The following TPX2 variants were observed in gnomAD, a reference collection of about 807,000 sequenced individuals.
TPX2 encodes targeting protein for Xklp2.
TPX2 carries 21 observed loss-of-function variants against 93.6 expected under a neutral mutation model. That is an observed-to-expected ratio of 0.22 (90% CI 0.16 to 0.32). The LOEUF is 0.32. Ranked by LOEUF, TPX2 falls within the 10% of genes least tolerant of loss-of-function variation. The pLI is 1.00. For synonymous variants in TPX2, 281 were observed against 298.3 expected (o/e 0.94, Z 0.60); for missense variants, 776 against 871.1 (o/e 0.89, Z 1.37).
At chr20:31,752,712 A>C (rs957189561) in intron 2 of TPX2, among the ~76,000 whole-genome samples, 6 of 151,926 alleles carry the variant, frequency 3.9e-5, no homozygotes, top group African/African-American at 1.5e-4. Context: ...TCCCGGGTTC[A>C]CACCATTCTC....
intron 9 of TPX2, 48 bp downstream of exon 9, chr20:31,777,686 G>C: frequency 6.3e-7 from 1 of 1,583,156 alleles, no homozygotes; most frequent in Non-Finnish European, 8.6e-7. Context: ...TATTCATTTA[G>C]GATTTTACGT....
At chr20:31,769,409 C>G (rs2061950101) in intron 5 of TPX2, among the ~76,000 whole-genome samples, 3 of 151,394 alleles carry the variant, frequency 2.0e-5, no homozygotes, top group African/African-American at 7.3e-5. Context: ...AGCTCCGCCT[C>G]CCGGGTTCAC....
At chr20:31,740,064 C>T (rs2061745080) in intron 1 of TPX2, among the ~76,000 whole-genome samples, 1 of 151,990 alleles carries the variant, frequency 6.6e-6, no homozygotes, top group East Asian at 1.9e-4. Context: ...GATATTATTC[C>T]CTTTCTCATT....
intron 17 of TPX2, 24 bp downstream of exon 17, chr20:31,798,576 C>G: frequency 2.5e-6 from 4 of 1,574,772 alleles, no homozygotes; most frequent in Non-Finnish European, 3.4e-6. Context: ...TGAGCACTGA[C>G]GAACACAAAC....
At chr20:31,757,711 G>A (rs1179068663) in intron 3 of TPX2, 129 bp downstream of exon 3, 1 of 666,212 alleles carries the variant, frequency 1.5e-6, no homozygotes, top group African/African-American at 1.8e-5. Context: ...AAGACATTCT[G>A]TCATCCATGA....
Position 31,739,385 on chromosome 20 carries a change from CGG to C in TPX2, c.-412_-411del, listed in dbSNP as rs1172149692. The C allele has an allele frequency of 6.6e-6, 1 of 152,256 alleles. No individual in the cohort carries two copies. The highest frequency in any genetic ancestry group is 2.4e-5 in the African/African-American group (1 of 41,464). 9.4% of individuals were successfully genotyped at this position (152,256 alleles called of 1,614,324 possible). On this transcript the variant is annotated 5_prime_UTR_variant, in exon 1 of 18. Coordinates refer to ENST00000300403, the MANE Select transcript of TPX2 (RefSeq NM_012112.5). ...AAGAAAAGAGGGAGCAGCTAGGGCG[CGG>C]GTCTCCCTCCTCCCGGAGTTTGGAA...
At chr20:31,755,114 A>T (rs947668108) in intron 2 of TPX2, among the ~76,000 whole-genome samples, 1 of 151,972 alleles carries the variant, frequency 6.6e-6, no homozygotes, top group East Asian at 1.9e-4. Context: ...GCGCCTGGCT[A>T]ATTTTTTGTA....
intron 5 of TPX2, among the ~76,000 whole-genome samples, chr20:31,768,480 T>G (rs2061943936): frequency 6.8e-6 from 1 of 148,038 alleles, no homozygotes; most frequent in African/African-American, 2.5e-5. Context: ...CTCCTGACCT[T>G]GTAATCCGCC....
chr20:31,776,093 A>T (rs2061997036), intron 8 of TPX2, 105 bp downstream of exon 8: 1 of 599,618 alleles, frequency 1.7e-6, no homozygotes, highest in African/African-American at 3.5e-5. Context: ...TTTTTTTTTG[A>T]GACGGAGTCT....
intron 12 of TPX2, among the ~76,000 whole-genome samples, chr20:31,792,324 A>G (rs986954448): frequency 1.3e-5 from 2 of 152,090 alleles, no homozygotes; most frequent in African/African-American, 4.8e-5. Context: ...GCCCCATTGC[A>G]CTCCAGCCTG....
intron 4 of TPX2, among the ~76,000 whole-genome samples, chr20:31,764,600 A>T (rs1239724254): frequency 6.6e-6 from 1 of 152,148 alleles, no homozygotes; most frequent in Non-Finnish European, 1.5e-5. Context: ...TCTATATTTA[A>T]AGTGCATTTT....
intron 4 of TPX2, among the ~76,000 whole-genome samples, chr20:31,765,530 C>CA (rs766866483): frequency 7.3e-5 from 11 of 151,686 alleles, no homozygotes; most frequent in Non-Finnish European, 1.5e-4. Flanking sequence ...AAGCTGGTCT[C>CA]AAAATCCTGG....
intron 1 of TPX2, among the ~76,000 whole-genome samples, chr20:31,742,015 G>C (rs1454263460): frequency 6.6e-6 from 1 of 152,184 alleles, no homozygotes; most frequent in Admixed American, 6.5e-5. Context: ...AAAAAGGATA[G>C]ATAACTGCGG....
intron 2 of TPX2, among the ~76,000 whole-genome samples, chr20:31,749,774 G>A (rs1245926259): frequency 2.0e-5 from 3 of 151,772 alleles, no homozygotes; most frequent in Non-Finnish European, 4.4e-5. Flanking sequence ...CAGCCTGGGC[G>A]ACAAGAGTGA....
intron 5 of TPX2, among the ~76,000 whole-genome samples, chr20:31,769,358 G>A (rs1472864209): frequency 7.2e-6 from 1 of 138,036 alleles, no homozygotes; most frequent in Non-Finnish European, 1.5e-5. Context: ...TCGCTCTGTT[G>A]CCTAGGCTGG....
Position 31,770,386 on chromosome 20 carries a change from G to C in TPX2, c.400G>C (p.Glu134Gln). The change falls in exon 6 of 18, where the codon GAA (glutamate) becomes CAA (glutamine). Residue 134 changes from glutamate (E) to glutamine (Q), a missense_variant. Glu to Gln is a conservative substitution (Grantham distance 29, BLOSUM62 2). Coordinates refer to ENST00000300403, the MANE Select transcript of TPX2 (RefSeq NM_012112.5). ...LSAQKDLEQKEKHHVKMKAKR... is the reference protein window; with the variant it reads ...LSAQKDLEQKQKHHVKMKAKR... ...TGCTCAGAAGGATTTGGAACAGAAA[G>C]AAAAGCATCATGTAAAAATGAAAGC... 1.2e-6 allele frequency: 2 copies of C among 1,606,288 alleles called. No homozygotes were observed. Among genetic ancestry groups the C allele is most frequent in the East Asian group, 4.5e-5 (2 of 44,462 alleles).
intron 5 of TPX2, among the ~76,000 whole-genome samples, 170 bp downstream of exon 5, chr20:31,766,852 GTGAAGTGGCA>G (rs1424447400): frequency 1.8e-4 from 26 of 143,600 alleles, no homozygotes; most frequent in Admixed American, 3.6e-4. Flanking sequence ...CCAGGCTGGA[GTGAAGTGGCA>G]TGATCTTGGC....
chr20:31,770,390 A>G lies in TPX2; in HGVS notation c.404A>G (p.Lys135Arg). 1 of 1,606,648 alleles carries G rather than the reference A, an allele frequency of 6.2e-7. No individual in the cohort carries two copies. The highest frequency in any genetic ancestry group is 8.5e-7 in the Non-Finnish European group (1 of 1,176,008). ...SAQKDLEQKE[K>R]HHVKMKAKRC... ...CAGAAGGATTTGGAACAGAAAGAAA[A>G]GCATCATGTAAAAATGAAAGCCAAG... Residue 135 changes from lysine (K) to arginine (R), a missense_variant, in exon 6 of 18, where the codon AAG (lysine) becomes AGG (arginine). Lys to Arg is a conservative substitution (Grantham distance 26). This residue lies in a region of TPX2 where 279 missense variants were observed against 261.6 expected (regional missense o/e 1.07). Transcript: ENST00000300403.
In TPX2 at chr20:31,771,795, A is replaced by G. The variant is rs2061965937; in HGVS notation, c.608+113A>G. On this transcript the variant is annotated intron_variant, in intron 7 of 17. Coordinates refer to ENST00000300403, the MANE Select transcript of TPX2 (RefSeq NM_012112.5). ...TTGGCAAACTCCTGAAGCTTTGACC[A>G]TGGTGAGGTGAATTGTTACATGTGT... 23 of 1,252,706 alleles carry G rather than the reference A, an allele frequency of 1.8e-5. No homozygotes were observed. In the Middle Eastern group the frequency reaches 1.1e-3, roughly 58 times the overall value. The allele number at this position is 1,252,706 out of a possible 1,614,324, so 77.6% of individuals were successfully genotyped here. A position where few individuals can be genotyped will look rare whatever the true frequency, so the allele number is the denominator to read the frequency against.
Sources: allele counts gnomAD v4.1 joint callset (sites outside exome capture counted in the v4.1 genomes callset), GRCh38; gene constraint gnomAD v4.1.1; regional missense constraint gnomAD v4.1.1; transcripts MANE v1.5; gene names NCBI Gene and HGNC (gene_info 2026-07-23, HGNC 2026-07-21).